LAMA2: variants seen among roughly 807,000 people sequenced by gnomAD.
LAMA2 encodes laminin subunit alpha 2, also known as laminin subunit alpha-2.
A neutral mutation model predicts 364.8 loss-of-function variants in LAMA2; 269 were observed. That is an observed-to-expected ratio of 0.74 (90% CI 0.67 to 0.82). LAMA2 has a LOEUF of 0.82. Among genes scored for constraint, LAMA2 ranks in the 40% least tolerant of loss-of-function variants. LAMA2 has a pLI of 0.00. For missense variants in LAMA2, 3,807 were observed against 3,873.2 expected (o/e 0.98, Z 0.45); for synonymous variants, 1,379 against 1,370.6 (o/e 1.01, Z -0.14).
At chr6:128,915,424 TTC>T (rs1159779529) in intron 1 of LAMA2, among the ~76,000 whole-genome samples, 1 of 152,206 alleles carries the variant, frequency 6.6e-6, no homozygotes, top group African/African-American at 2.4e-5. Context: ...TGCAAAGCGT[TTC>T]TGATTCTCTT....
At chr6:129,471,758 T>C (rs1234006332) in intron 51 of LAMA2, among the ~76,000 whole-genome samples, 1 of 152,022 alleles carries the variant, frequency 6.6e-6, no homozygotes, top group Non-Finnish European at 1.5e-5. Flanking sequence ...AATTTTAAAA[T>C]CTTAACTTGC....
intron 10 of LAMA2, among the ~76,000 whole-genome samples, chr6:129,183,897 C>T (rs1335535000): frequency 6.6e-6 from 1 of 151,770 alleles, no homozygotes; most frequent in African/African-American, 2.4e-5. Context: ...ATGACTCATA[C>T]AAAAGAAAGA....
At chr6:129,492,559 C>T in intron 58 of LAMA2, 76 bp downstream of exon 58, 2 of 1,299,064 alleles carry the variant, frequency 1.5e-6, no homozygotes, top group South Asian at 1.2e-5. Context: ...GAAGATTATT[C>T]AGGATATCTA....
At position 128,924,464 on chromosome 6, in the gene LAMA2, G is replaced by T. The variant is rs183151781; in HGVS notation, c.112+41107G>T. On this transcript the variant is annotated intron_variant, in intron 1 of 64. Coordinates refer to ENST00000421865, the MANE Select transcript of LAMA2 (RefSeq NM_000426.4). ...GAAATTTTCCAGGTAAGTTTATAGA[G>T]TAAAGGAAACAACCTGCCATTTTGA... Among the ~76,000 whole-genome samples the T allele has an allele frequency of 4.5e-3, 679 of 152,168 alleles. 6 individuals are homozygous for T. Among genetic ancestry groups the T allele is most frequent in the African/African-American group, 0.015 (633 of 41,534 alleles).
chr6:128,933,195 A>G (rs979017461), intron 1 of LAMA2, among the ~76,000 whole-genome samples: 1 of 151,776 alleles, frequency 6.6e-6, no homozygotes, highest in Non-Finnish European at 1.5e-5. Flanking sequence ...TTATGGCTGA[A>G]TAATATTCCT....
At chr6:129,450,073 G>A (rs1364294421) in intron 45 of LAMA2, among the ~76,000 whole-genome samples, 2 of 151,814 alleles carry the variant, frequency 1.3e-5, no homozygotes, top group Admixed American at 6.6e-5. Flanking sequence ...CAAAGTTCTG[G>A]GATTACAGGC....
At chr6:129,196,925 C>T (rs1300439618) in intron 12 of LAMA2, among the ~76,000 whole-genome samples, 1 of 152,138 alleles carries the variant, frequency 6.6e-6, no homozygotes, top group East Asian at 1.9e-4. Context: ...CCAAGGGAAT[C>T]CCAAAGAAAC....
At chr6:129,242,810 T>C (rs1257637731) in intron 12 of LAMA2, among the ~76,000 whole-genome samples, 3 of 152,138 alleles carry the variant, frequency 2.0e-5, no homozygotes, top group Admixed American at 2.0e-4. Context: ...CTGTTGAGAT[T>C]GTACTATTTC....
intron 3 of LAMA2, among the ~76,000 whole-genome samples, chr6:129,096,694 G>A (rs113580597): frequency 2.6e-5 from 4 of 152,062 alleles, no homozygotes; most frequent in African/African-American, 9.7e-5. Flanking sequence ...TGGGAGGTTG[G>A]GCAGCAGTGA....
At chr6:129,087,119 C>T (rs1027575455) in intron 3 of LAMA2, among the ~76,000 whole-genome samples, 1 of 152,142 alleles carries the variant, frequency 6.6e-6, no homozygotes, top group Non-Finnish European at 1.5e-5. Flanking sequence ...CTACAAAGTT[C>T]CCTTTGCCAT....
intron 1 of LAMA2, chr6:128,929,455 A>G: frequency 2.4e-6 from 2 of 838,582 alleles, no homozygotes; most frequent in East Asian, 4.8e-5. Flanking sequence ...GGTGAGTCTC[A>G]GGAAAGATAC....
chr6:128,890,192 GT>G (rs1196060870), intron 1 of LAMA2, among the ~76,000 whole-genome samples: 1 of 152,128 alleles, frequency 6.6e-6, no homozygotes, highest in African/African-American at 2.4e-5. Context: ...ATAATATGTA[GT>G]GCATTGTGAG....
chr6:129,246,466 G>C (rs79070776), intron 12 of LAMA2, among the ~76,000 whole-genome samples: 1 of 152,234 alleles, frequency 6.6e-6, no homozygotes, highest in East Asian at 1.9e-4. Context: ...CTGTGCCTTT[G>C]TGAGTTCACT....
intron 4 of LAMA2, among the ~76,000 whole-genome samples, chr6:129,117,388 T>A (rs1776539760): frequency 1.3e-5 from 2 of 152,236 alleles, no homozygotes; most frequent in Non-Finnish European, 2.9e-5. Context: ...GATTTAATTC[T>A]GTGCTTTTGG....
At chr6:129,425,064 A>C (rs1023128050) in intron 40 of LAMA2, among the ~76,000 whole-genome samples, 4 of 152,074 alleles carry the variant, frequency 2.6e-5, no homozygotes, top group African/African-American at 9.7e-5. Context: ...AAATTCTATG[A>C]AATGCAAACC....
intron 62 of LAMA2, among the ~76,000 whole-genome samples, chr6:129,512,122 A>G (rs1436856766): frequency 6.6e-6 from 1 of 152,140 alleles, no homozygotes. Context: ...AATGCCCCTG[A>G]TCTCATAGCA....
At chr6:129,355,740 C>T (rs1366296330) in intron 32 of LAMA2, among the ~76,000 whole-genome samples, 2 of 152,134 alleles carry the variant, frequency 1.3e-5, no homozygotes, top group Admixed American at 1.3e-4. Flanking sequence ...TAAGTAAACA[C>T]TCAGTTTAGT....
intron 3 of LAMA2, among the ~76,000 whole-genome samples, chr6:129,071,737 T>C (rs931499180): frequency 6.6e-6 from 1 of 152,196 alleles, no homozygotes; most frequent in East Asian, 1.9e-4. Flanking sequence ...TTGTTGTTAT[T>C]CCTTTCCTCA....
intron 1 of LAMA2, among the ~76,000 whole-genome samples, chr6:129,031,377 G>A (rs771409410): frequency 6.6e-6 from 1 of 152,028 alleles, no homozygotes; most frequent in Non-Finnish European, 1.5e-5. Context: ...TAATGCAATA[G>A]AGAAATTCCA....
Sources: allele counts gnomAD v4.1 joint callset (sites outside exome capture counted in the v4.1 genomes callset), GRCh38; gene constraint gnomAD v4.1.1; transcripts MANE v1.5; gene names NCBI Gene and HGNC (gene_info 2026-07-23, HGNC 2026-07-21).